Variants in PAIP1 observed in about 807,000 individuals in gnomAD.
The protein encoded by PAIP1 is poly(A) binding protein interacting protein 1, also known as polyadenylate-binding protein-interacting protein 1.
PAIP1 carries 16 observed loss-of-function variants against 61.3 expected under a neutral mutation model. The ratio of observed to expected loss-of-function variants is 0.26; its 90% CI spans 0.18 to 0.40. The LOEUF is 0.40. Ranked by LOEUF, PAIP1 falls within the 10% of genes least tolerant of loss-of-function variation. The pLI is 1.00. For synonymous variants in PAIP1, 187 were observed against 226.2 expected (o/e 0.83, Z 1.56); for missense variants, 416 against 600.9 (o/e 0.69, Z 3.22).
At chr5:43,530,203 T>TC (rs1224792602) in intron 9 of PAIP1, among the ~76,000 whole-genome samples, 1 of 152,206 alleles carries the variant, frequency 6.6e-6, no homozygotes, top group Non-Finnish European at 1.5e-5. Flanking sequence ...TCTGTACTCC[T>TC]CCACAAGGAA....
intron 2 of PAIP1, among the ~76,000 whole-genome samples, chr5:43,552,946 G>C (rs934295958): frequency 1.3e-5 from 2 of 152,172 alleles, no homozygotes; most frequent in Non-Finnish European, 2.9e-5. Flanking sequence ...TCAGACTGCA[G>C]AGGTCTGAAC....
chr5:43,534,041 T>C (rs1747048748), intron 8 of PAIP1, among the ~76,000 whole-genome samples: 1 of 152,230 alleles, frequency 6.6e-6, no homozygotes. Flanking sequence ...ACTGTTCTGT[T>C]GTGCATTGTC....
Position 43,543,124 on chromosome 5 carries a change from A to G in PAIP1, c.622-8T>C. The G allele has an allele frequency of 2.2e-6, 3 of 1,385,986 alleles. No individual in the cohort carries two copies. In the East Asian group the frequency reaches 6.9e-5, roughly 32 times the overall value. 85.9% of individuals were successfully genotyped at this position (1,385,986 alleles called of 1,614,324 possible). A position where few individuals can be genotyped will look rare whatever the true frequency, so the allele number is the denominator to read the frequency against. On this transcript the variant is annotated splice_polypyrimidine_tract_variant and splice_region_variant and intron_variant, in intron 3 of 10. Coordinates refer to ENST00000306846, the MANE Select transcript of PAIP1 (RefSeq NM_006451.5). ...ATTTGGGATAGATGTGGCCTTTTAA[A>G]AAGAAGAAAAGTGTTATATGACATA...
At chr5:43,555,775 A>G in intron 2 of PAIP1, 55 bp downstream of exon 2, 1 of 1,440,208 alleles carries the variant, frequency 6.9e-7, no homozygotes, top group Non-Finnish European at 9.5e-7. Flanking sequence ...ACAAAGTAAC[A>G]ACCACATTAT....
rs1212876730 is a variant in PAIP1 at position 43,557,040 on chromosome 5, C to G, written c.-194G>C. 1.0e-6 allele frequency: 1 copy of G among 997,032 alleles called. No homozygotes were observed. The highest frequency in any genetic ancestry group is 1.3e-6 in the Non-Finnish European group (1 of 770,544). The allele number at this position is 997,032 out of a possible 1,614,324, so 61.8% of individuals were successfully genotyped here. A position where few individuals can be genotyped will look rare whatever the true frequency, so the allele number is the denominator to read the frequency against. ...GACGGCAGCCCGAGCACCCGCCGCTCCAGAGCGCCCGCCCCGCTCGGCTAC... is the reference window on the plus strand; with the variant it reads ...GACGGCAGCCCGAGCACCCGCCGCTGCAGAGCGCCCGCCCCGCTCGGCTAC... On this transcript the variant is annotated 5_prime_UTR_variant, in exon 1 of 11. Transcript: ENST00000306846.
At chr5:43,533,556 G>T (rs753804715) in intron 9 of PAIP1, among the ~76,000 whole-genome samples, 182 bp downstream of exon 9, 3 of 152,158 alleles carry the variant, frequency 2.0e-5, no homozygotes, top group Non-Finnish European at 4.4e-5. Context: ...ACTTTCATTT[G>T]AAATGTTTCA....
At chr5:43,537,752 C>A (rs758793673) in intron 5 of PAIP1, among the ~76,000 whole-genome samples, 7 of 152,002 alleles carry the variant, frequency 4.6e-5, no homozygotes, top group Non-Finnish European at 7.4e-5. Context: ...TCCCAGCACT[C>A]TGGGAGGCTG....
At chr5:43,547,227 T>C (rs1425514877) in intron 3 of PAIP1, among the ~76,000 whole-genome samples, 1 of 152,024 alleles carries the variant, frequency 6.6e-6, no homozygotes, top group Non-Finnish European at 1.5e-5. Context: ...ACAAGACATT[T>C]TATGGTTTGG....
At chr5:43,538,750 G>C (rs904376095) in intron 5 of PAIP1, among the ~76,000 whole-genome samples, 174 bp downstream of exon 5, 3 of 152,146 alleles carry the variant, frequency 2.0e-5, no homozygotes, top group Non-Finnish European at 4.4e-5. Context: ...AAATGTTATG[G>C]ACAGACGGTC....
intron 3 of PAIP1, among the ~76,000 whole-genome samples, chr5:43,544,382 G>C (rs1477894393): frequency 6.6e-6 from 1 of 151,896 alleles, no homozygotes; most frequent in Non-Finnish European, 1.5e-5. Context: ...CCCAAGACTT[G>C]GTTCACCCTT....
At chr5:43,545,710 TC>T (rs1285160585) in intron 3 of PAIP1, among the ~76,000 whole-genome samples, 1 of 152,042 alleles carries the variant, frequency 6.6e-6, no homozygotes, top group African/African-American at 2.4e-5. Context: ...CTTTTAAAAA[TC>T]CCCATAGCAT....
intron 5 of PAIP1, 35 bp from the exon 6 acceptor site, chr5:43,536,979 T>C: frequency 6.6e-7 from 1 of 1,516,378 alleles, no homozygotes; most frequent in Non-Finnish European, 8.9e-7. Context: ...AAAGGAATGA[T>C]GCCAAAATAT....
intron 9 of PAIP1, among the ~76,000 whole-genome samples, chr5:43,531,527 C>A (rs1746929284): frequency 6.8e-6 from 1 of 146,998 alleles, no homozygotes; most frequent in Non-Finnish European, 1.5e-5. Flanking sequence ...CGTGGTGGCA[C>A]AGGCCTGTAA....
intron 9 of PAIP1, among the ~76,000 whole-genome samples, chr5:43,533,145 A>AC (rs1747010274): frequency 6.6e-6 from 1 of 152,216 alleles, no homozygotes; most frequent in Non-Finnish European, 1.5e-5. Context: ...AATCCAGAGG[A>AC]AACAAATGGA....
chr5:43,541,288 C>CTT lies in PAIP1; in HGVS notation c.734+1714_734+1715dup, dbSNP rs777778938. ...TAAAGGTACCCGCCACCACGCCCAG[C>CTT]TTTTTTTTTTTTTTTTGTATTTTTA... On this transcript the variant is annotated intron_variant, in intron 4 of 10. Transcript: ENST00000306846. 6.1e-3 allele frequency among the ~76,000 whole-genome samples: 153 copies of CTT among 25,204 alleles called. 2 individuals carry two copies. Among genetic ancestry groups the CTT allele is most frequent in the Middle Eastern group, 0.034 (2 of 58 alleles). 16.5% of individuals were successfully genotyped at this position (25,204 alleles called of 152,430 possible). A position where few individuals can be genotyped will look rare whatever the true frequency, so the allele number is the denominator to read the frequency against.
At chr5:43,531,656 CAAAAAAAAAAAAAA>C (rs369954867) in intron 9 of PAIP1, among the ~76,000 whole-genome samples, 2 of 59,868 alleles carry the variant, frequency 3.3e-5, no homozygotes, top group Admixed American at 2.4e-4. Context: ...GACTCTGTCT[CAAAAAAAAAAAAAA>C]AAAAAAAGAG....
chr5:43,545,629 C>T (rs1335048029), intron 3 of PAIP1, among the ~76,000 whole-genome samples: 1 of 152,192 alleles, frequency 6.6e-6, no homozygotes, highest in African/African-American at 2.4e-5. Context: ...AGGTACCACT[C>T]ACCCACCTGC....
Position 43,529,891 on chromosome 5 carries a change from CAT to C in PAIP1, c.1253-14_1253-13del, listed in dbSNP as rs767700924. ...TTTCTCTTGGTAATCTGTAAGACAA[CAT>C]AGGAGAAAAACTAAATACTGAAAAA... On this transcript the variant is annotated splice_polypyrimidine_tract_variant and intron_variant, in intron 9 of 10. Coordinates refer to ENST00000306846, the MANE Select transcript of PAIP1 (RefSeq NM_006451.5). The C allele has an allele frequency of 9.2e-6, 11 of 1,198,068 alleles. No homozygotes were observed. The South Asian group carries it at 1.3e-4, about 15-fold the overall frequency. The allele number at this position is 1,198,068 out of a possible 1,614,324, so 74.2% of individuals were successfully genotyped here.
chr5:43,545,675 C>A (rs760602364), intron 3 of PAIP1, among the ~76,000 whole-genome samples: 1 of 152,160 alleles, frequency 6.6e-6, no homozygotes, highest in African/African-American at 2.4e-5. Context: ...TTCTTTTCCT[C>A]TTCTCTGTCC....
Sources: allele counts gnomAD v4.1 joint callset (sites outside exome capture counted in the v4.1 genomes callset), GRCh38; gene constraint gnomAD v4.1.1; transcripts MANE v1.5; gene names NCBI Gene and HGNC (gene_info 2026-07-23, HGNC 2026-07-21).